Variants in ADRA1B observed in about 807,000 individuals in gnomAD.
The protein encoded by ADRA1B is alpha-1B adrenergic receptor.
In ADRA1B, 17 loss-of-function variants were observed where a neutral mutation model predicts 17.9. The observed-to-expected ratio is 0.95, with a 90% CI of 0.65 to 1.42. The LOEUF (loss-of-function observed/expected upper bound fraction) is 1.42. Among genes scored for constraint, ADRA1B ranks in the 40% most tolerant of loss-of-function variants. ADRA1B has a pLI of 0.00. For missense variants in ADRA1B, 681 were observed against 722.1 expected (o/e 0.94, Z 0.65); for synonymous variants, 366 against 327.6 (o/e 1.12, Z -1.27).
At chr5:159,976,848 G>T (rs1755980533), downstream of ADRA1B, among the ~76,000 whole-genome samples, 1 of 152,144 alleles carries the variant, frequency 6.6e-6, no homozygotes, top group African/African-American at 2.4e-5. Flanking sequence ...AGGGGACCAG[G>T]ACAGTGGCCC....
chr5:159,873,091 C>A (rs1340033167), intron 1 of ADRA1B, among the ~76,000 whole-genome samples: 1 of 152,156 alleles, frequency 6.6e-6, no homozygotes, highest in Non-Finnish European at 1.5e-5. Context: ...CATGTCCCTG[C>A]AAAGGACATG....
chr5:159,933,932 C>T (rs915011552), intron 1 of ADRA1B, among the ~76,000 whole-genome samples: 4 of 152,226 alleles, frequency 2.6e-5, no homozygotes, highest in Non-Finnish European at 5.9e-5. Context: ...CCTACCCCAC[C>T]GTGGGGGCCT....
chr5:159,938,520 G>T (rs757149915), intron 1 of ADRA1B, among the ~76,000 whole-genome samples: 1 of 152,152 alleles, frequency 6.6e-6, no homozygotes, highest in African/African-American at 2.4e-5. Flanking sequence ...AATGAGACTA[G>T]AACAGAAAAT....
intron 1 of ADRA1B, chr5:159,948,414 A>G (rs1448973530): frequency 1.0e-6 from 1 of 985,358 alleles, no homozygotes; most frequent in East Asian, 1.1e-4. Context: ...ATGATGATTC[A>G]AAGCCACAAA....
At chr5:159,968,871 T>A (rs571811698) in intron 1 of ADRA1B, among the ~76,000 whole-genome samples, 1 of 152,218 alleles carries the variant, frequency 6.6e-6, no homozygotes, top group Non-Finnish European at 1.5e-5. Context: ...TGAACCACCA[T>A]GTCTGGCCCT....
chr5:159,986,032 G>T, the ADRA1B span, among the ~76,000 whole-genome samples: 1 of 152,214 alleles, frequency 6.6e-6, no homozygotes, highest in East Asian at 1.9e-4. Context: ...GGGAAGAAAG[G>T]AACCCACAGG....
chr5:159,870,740 G>A (rs576997815), intron 1 of ADRA1B: 7 of 152,176 alleles, frequency 4.6e-5, no homozygotes, highest in African/African-American at 1.7e-4. Context: ...ATCTTATTCA[G>A]CATTTGTGTT....
At chr5:159,913,050 G>C (rs1239479796), upstream of ADRA1B, among the ~76,000 whole-genome samples, 2 of 152,170 alleles carry the variant, frequency 1.3e-5, no homozygotes, top group Non-Finnish European at 2.9e-5. Flanking sequence ...TCCTCCCATA[G>C]ATGTCTTAAG....
intron 1 of ADRA1B, among the ~76,000 whole-genome samples, chr5:159,931,242 A>G (rs1393419299): frequency 6.6e-6 from 1 of 151,388 alleles, no homozygotes; most frequent in East Asian, 1.9e-4. Flanking sequence ...TAAAAAATAA[A>G]AATTAGCCTC....
the ADRA1B span, among the ~76,000 whole-genome samples, chr5:159,980,025 G>A: frequency 1.3e-5 from 2 of 152,024 alleles, no homozygotes; most frequent in Admixed American, 6.6e-5. Flanking sequence ...ACCATCGTGT[G>A]TGGAGAGCCT....
intron 1 of ADRA1B, among the ~76,000 whole-genome samples, chr5:159,909,630 T>C (rs1754205948): frequency 6.6e-6 from 1 of 152,262 alleles, no homozygotes; most frequent in Non-Finnish European, 1.5e-5. Context: ...CCATTGCACA[T>C]TCCCGTTATT....
chr5:159,884,115 AAAAATC>A lies in ADRA1B; in HGVS notation c.-256+18913_-256+18918del, dbSNP rs1753897064. On this transcript the variant is annotated intron_variant, in intron 1 of 2. Coordinates refer to the ADRA1B transcript ENST00000641205. ...AAAGCCAAAAATAAATTAAAAAGAA[AAAAATC>A]AAATCAATTATGGATGTAGACTTAA... 2.0e-5 allele frequency among the ~76,000 whole-genome samples: 3 copies of A among 152,248 alleles called. 1 individual carries two copies. Among genetic ancestry groups the A allele is most frequent in the Admixed American group, 6.5e-5 (1 of 15,290 alleles).
At chr5:159,985,120 T>C in the ADRA1B span, among the ~76,000 whole-genome samples, 1 of 152,198 alleles carries the variant, frequency 6.6e-6, no homozygotes, top group African/African-American at 2.4e-5. Context: ...TCTTAGGGCC[T>C]TTGCTCTTGC....
chr5:159,898,581 T>C (rs1225110260), intron 1 of ADRA1B, among the ~76,000 whole-genome samples: 2 of 152,242 alleles, frequency 1.3e-5, no homozygotes, highest in Non-Finnish European at 2.9e-5. Context: ...TTTTAAATAG[T>C]TCATTGTTAT....
At chr5:159,903,489 T>C (rs532660881) in intron 1 of ADRA1B, among the ~76,000 whole-genome samples, 8 of 152,334 alleles carry the variant, frequency 5.3e-5, no homozygotes, top group Non-Finnish European at 1.2e-4. Flanking sequence ...CTCACTATGA[T>C]CCTCCAAGTG....
chr5:159,943,667 G>A (rs1375701710), intron 1 of ADRA1B, among the ~76,000 whole-genome samples: 2 of 152,060 alleles, frequency 1.3e-5, no homozygotes, highest in African/African-American at 4.8e-5. Flanking sequence ...TACTGTGTGT[G>A]ACCTACTTAG....
At chr5:159,944,246 G>A (rs775564013) in intron 1 of ADRA1B, among the ~76,000 whole-genome samples, 5 of 152,118 alleles carry the variant, frequency 3.3e-5, no homozygotes, top group African/African-American at 4.8e-5. Context: ...GTGGAGAGCC[G>A]TGGCTATCAG....
At chr5:159,943,925 CACACACACACACACAA>C (rs1225938814) in intron 1 of ADRA1B, among the ~76,000 whole-genome samples, 10 of 151,632 alleles carry the variant, frequency 6.6e-5, no homozygotes, top group African/African-American at 1.2e-4. Context: ...CACACACACA[CACACACACACACACAA>C]ACACACACAC....
chr5:159,980,979 G>A, the ADRA1B span, among the ~76,000 whole-genome samples: 2 of 152,098 alleles, frequency 1.3e-5, no homozygotes, highest in African/African-American at 2.4e-5. Context: ...AATCATCTGA[G>A]CAAGGGCAGA....
Sources: allele counts gnomAD v4.1 joint callset (sites outside exome capture counted in the v4.1 genomes callset), GRCh38; gene constraint gnomAD v4.1.1; transcripts MANE v1.5; gene names NCBI Gene and HGNC (gene_info 2026-07-23, HGNC 2026-07-21).